The following KCNH3 variants were observed in gnomAD, a reference collection of about 807,000 sequenced individuals.
KCNH3 encodes potassium voltage-gated channel subfamily H member 3, also known as voltage-gated inwardly rectifying potassium channel KCNH3.
Under a neutral mutation model 95.6 loss-of-function variants are expected in KCNH3, and 36 were observed. The ratio of observed to expected loss-of-function variants is 0.38; its 90% confidence interval spans 0.29 to 0.50. KCNH3 has a LOEUF of 0.50. Among genes scored for constraint, KCNH3 ranks in the 20% least tolerant of loss-of-function variants. The probability of loss-of-function intolerance (pLI) is 0.95; values close to 1 mark genes in which losing one functional copy is unlikely to be tolerated. For synonymous variants in KCNH3, 620 were observed against 646.3 expected (o/e 0.96, Z 0.62); for missense variants, 1,030 against 1,484.1 (o/e 0.69, Z 5.03).
chr12:49,551,250 C>T (rs1291909612), intron 10 of KCNH3, among the ~76,000 whole-genome samples: 1 of 152,152 alleles, frequency 6.6e-6, no homozygotes, highest in Non-Finnish European at 1.5e-5. Context: ...CACATTCTAA[C>T]TCTCAGGGAA....
At position 49,539,596 on chromosome 12, in the gene KCNH3, C is replaced by A; in HGVS notation, c.76+104C>A. Reference sequence around the variant, plus strand: ...GCCCAGCTTGGCGCCAGCCTATTCTCACCCTCTCCTCCCTACCCGCCCCTC... The same window carrying A: ...GCCCAGCTTGGCGCCAGCCTATTCTAACCCTCTCCTCCCTACCCGCCCCTC... On this transcript the variant is annotated intron_variant, in intron 1 of 14. Transcript: ENST00000257981. The surrounding 1 kb of genome is among the most constrained non-coding windows in gnomAD (Gnocchi z 6.7). The A allele has an allele frequency of 1.0e-6, 1 of 960,668 alleles. No homozygotes were observed. Among genetic ancestry groups the A allele is most frequent in the Non-Finnish European group, 1.5e-6 (1 of 647,654 alleles). The allele number at this position is 960,668 out of a possible 1,614,324, so 59.5% of individuals were successfully genotyped here.
chr12:49,553,496 G>A (rs747897567), intron 10 of KCNH3, among the ~76,000 whole-genome samples: 7 of 152,146 alleles, frequency 4.6e-5, no homozygotes, highest in African/African-American at 9.7e-5. Context: ...CTTTTTGGTC[G>A]TCTTTGTGTG....
At chr12:49,555,554 T>C (rs1470151891) in intron 11 of KCNH3, 66 bp from the exon 12 acceptor site, 1 of 999,788 alleles carries the variant, frequency 1.0e-6, no homozygotes, top group Non-Finnish European at 1.5e-6. Flanking sequence ...GAAGCCTTGG[T>C]AGGGGAGGTG....
chr12:49,541,764 G>A lies in KCNH3; in HGVS notation c.445G>A (p.Gly149Ser), dbSNP rs1555196033. Residue 149 changes from glycine (G) to serine (S), a missense_variant and splice_region_variant, in exon 3 of 15, where the codon GGT becomes AGT. Gly to Ser is a moderately conservative substitution (Grantham distance 56). Coordinates refer to ENST00000257981, the MANE Select transcript of KCNH3 (RefSeq NM_012284.3). Reference protein sequence around the residue: ...RGGPDRWKETGGGRRRYGRAR... With the variant: ...RGGPDRWKETSGGRRRYGRAR... ...GGGCCCCGACAGATGGAAGGAGACA[G>A]GTAGGTGCATGTAGGTGCTGTGGTC... The A allele has an allele frequency of 6.2e-7, 1 of 1,614,032 alleles. No individual in the cohort carries two copies. Among genetic ancestry groups the A allele is most frequent in the African/African-American group, 1.3e-5 (1 of 75,058 alleles).
At position 49,554,452 on chromosome 12, in the gene KCNH3, G is replaced by A. The variant is rs1459695557; in HGVS notation, c.2034G>A (p.Leu678=). 6.2e-7 allele frequency: 1 copy of A among 1,613,274 alleles called. No homozygotes were observed. Among genetic ancestry groups the A allele is most frequent in the Non-Finnish European group, 8.5e-7 (1 of 1,180,040 alleles). The change falls in exon 11 of 15, where the codon CTG becomes CTA. Residue 678 remains leucine (L), a synonymous_variant. Coordinates refer to ENST00000257981, the MANE Select transcript of KCNH3 (RefSeq NM_012284.3). ...CVLQCLQLAG[L]HDSLALYPEF... ...TGCAGTGTCTGCAGCTGGCTGGCCT[G>A]CACGACAGCCTTGCGCTGTACCCCG... is the stretch of plus-strand genomic sequence containing the variant.
Position 49,556,463 on chromosome 12 carries a change from C to T in KCNH3, c.2562C>T (p.Pro854=). 1 of 1,613,508 alleles carries T rather than the reference C, an allele frequency of 6.2e-7. No individual in the cohort carries two copies. The highest frequency in any genetic ancestry group is 8.5e-7 in the Non-Finnish European group (1 of 1,179,532). Residue 854 remains proline (P), a synonymous_variant, in exon 13 of 15, where the codon CCC becomes CCT. Coordinates refer to ENST00000257981, the MANE Select transcript of KCNH3 (RefSeq NM_012284.3). ...GQSGPECSSS[P]SPGPESGLLT... Reference sequence around the variant, plus strand: ...CTGGCCCGGAATGTAGCAGCAGCCCCTCCCCTGGACCAGGTACCAGGGCCC... The same window carrying T: ...CTGGCCCGGAATGTAGCAGCAGCCCTTCCCCTGGACCAGGTACCAGGGCCC...
rs1937855079 is a variant in KCNH3, at chr12:49,541,091, A to G, written c.269A>G (p.His90Arg). Residue 90 changes from histidine to arginine, a missense_variant, in exon 2 of 15, where the codon CAC becomes CGC. Coordinates refer to ENST00000257981, the MANE Select transcript of KCNH3 (RefSeq NM_012284.3). ...CAGATCCGCAAGGCCCTGGACGAGC[A>G]CAAGGAGTTCAAGGCTGAGCTGATC... ...RQQIRKALDEHKEFKAELILY... is the reference protein window; with the variant it reads ...RQQIRKALDERKEFKAELILY... The G allele has an allele frequency of 6.2e-7, 1 of 1,610,262 alleles. No homozygotes were observed. Among genetic ancestry groups the G allele is most frequent in the African/African-American group, 1.3e-5 (1 of 74,956 alleles).
At position 49,548,957 on chromosome 12, in the gene KCNH3, G is replaced by A. The variant is rs1411006387; in HGVS notation, c.1252G>A (p.Ala418Thr). The part of the protein sequence containing the change: ...TPYYLVGRRP[A>T]GGNSSGQSDN... Reference sequence around the variant, plus strand: ...CTACTACCTGGTGGGCCGGAGGCCAGCTGGAGGGAACAGCTCCGGCCAGAG... The same window carrying A: ...CTACTACCTGGTGGGCCGGAGGCCAACTGGAGGGAACAGCTCCGGCCAGAG... The change falls in exon 8 of 15, where the codon GCT becomes ACT. Residue 418 changes from alanine (A) to threonine (T), a missense_variant. Physicochemically the swap from Ala to Thr is moderately conservative, Grantham distance 58. Around this residue, in one of 9 missense-constraint regions of KCNH3, gnomAD observed 50 missense variants for 41.0 expected, o/e 1.22. Coordinates refer to ENST00000257981, the MANE Select transcript of KCNH3 (RefSeq NM_012284.3). The A allele has an allele frequency of 5.0e-6, 8 of 1,607,996 alleles. No individual in the cohort carries two copies. The highest frequency in any genetic ancestry group is 2.2e-5 in the East Asian group (1 of 44,684).
intron 10 of KCNH3, among the ~76,000 whole-genome samples, chr12:49,552,561 C>T (rs1463481556): frequency 6.6e-6 from 1 of 152,188 alleles, no homozygotes; most frequent in Non-Finnish European, 1.5e-5. Flanking sequence ...CCTTTTTACT[C>T]GAACATCCAA....
At chr12:49,549,809 A>C (rs577251549) in intron 9 of KCNH3, among the ~76,000 whole-genome samples, 169 bp downstream of exon 9, 59 of 152,272 alleles carry the variant, frequency 3.9e-4, no homozygotes, top group Non-Finnish European at 6.5e-4. Flanking sequence ...GAAGGCTTGG[A>C]GGGCCCTCTG....
rs370443660 is a variant in KCNH3 at position 49,554,423 on chromosome 12, G to C, written c.2005G>C (p.Val669Leu). 7 of 1,613,172 alleles carry C rather than the reference G, an allele frequency of 4.3e-6. No homozygotes were observed. The highest frequency in any genetic ancestry group is 5.9e-6 in the Non-Finnish European group (7 of 1,180,026). Residue 669 changes from valine (V) to leucine (L), a missense_variant, in exon 11 of 15, where the codon GTC becomes CTC. By Grantham distance (32) the Val-to-Leu change is conservative. Coordinates refer to ENST00000257981, the MANE Select transcript of KCNH3 (RefSeq NM_012284.3). Reference sequence around the variant, plus strand: ...CGACGTGAAGGGGCTGACGTACTGCGTCCTGCAGTGTCTGCAGCTGGCTGG... The same window carrying C: ...CGACGTGAAGGGGCTGACGTACTGCCTCCTGCAGTGTCTGCAGCTGGCTGG... ...NADVKGLTYC[V>L]LQCLQLAGLH...
chr12:49,549,559 T>A lies in KCNH3; in HGVS notation c.1587T>A (p.Arg529=). The change falls in exon 9 of 15, where the codon CGT becomes CGA. Residue 529 remains arginine (R), a synonymous_variant. Coordinates refer to ENST00000257981, the MANE Select transcript of KCNH3 (RefSeq NM_012284.3). The stretch of plus-strand genomic sequence containing the variant: ...TGCGCGACTACATCCGCATCCACCG[T>A]ATCCCCAAGCCCCTCAAGCAGCGCA... The part of the protein sequence containing the change: ...RDLRDYIRIH[R]IPKPLKQRML... The A allele has an allele frequency of 6.2e-7, 1 of 1,613,524 alleles. No individual in the cohort carries two copies. The highest frequency in any genetic ancestry group is 8.5e-7 in the Non-Finnish European group (1 of 1,180,036).
Position 49,539,691 on chromosome 12 carries a change from T to C in KCNH3, c.76+199T>C, listed in dbSNP as rs1439558435. Reference sequence around the variant, plus strand: ...AGGTTCGAAGGTTCGGGGTCAACACTGCTTCAGGCGAGGCAACAGGGCCAG... The same window carrying C: ...AGGTTCGAAGGTTCGGGGTCAACACCGCTTCAGGCGAGGCAACAGGGCCAG... On this transcript the variant is annotated intron_variant, in intron 1 of 14. Transcript: ENST00000257981. The surrounding 1 kb of genome is among the most constrained non-coding windows in gnomAD (Gnocchi z 6.7). 9.9e-5 allele frequency among the ~76,000 whole-genome samples: 15 copies of C among 152,130 alleles called. No individual in the cohort carries two copies. The East Asian group carries it at 2.7e-3, about 27-fold the overall frequency.
In KCNH3 at chr12:49,545,403, CTTT is replaced by C. The variant is rs869243854; in HGVS notation, c.1189+1039_1189+1041del. Among the ~76,000 whole-genome samples the C allele has an allele frequency of 6.7e-3, 781 of 117,442 alleles. 3 individuals are homozygous for C. The highest frequency in any genetic ancestry group is 0.027 in the African/African-American group (697 of 26,286). The allele number at this position is 117,442 out of a possible 152,430, so 77.0% of individuals were successfully genotyped here. ...TAGCCGGGTTTCCAGATGCAGGTGG[CTTT>C]TTTTTTTTTTTTTTTTTGAGCTGTC... is the stretch of plus-strand genomic sequence containing the variant. On this transcript the variant is annotated intron_variant, in intron 7 of 14. Transcript: ENST00000257981.
At chr12:49,544,141 T>TGCCAACCCAG in intron 6 of KCNH3, 34 bp from the exon 7 acceptor site, 1 of 1,413,422 alleles carries the variant, frequency 7.1e-7, no homozygotes, top group Non-Finnish European at 9.7e-7. Flanking sequence ...CCCGCTGACC[T>TGCCAACCCAG]CCCTCCCTCC....
intron 7 of KCNH3, among the ~76,000 whole-genome samples, chr12:49,548,661 A>G (rs1405435810): frequency 6.6e-6 from 1 of 151,760 alleles, no homozygotes; most frequent in Non-Finnish European, 1.5e-5. Flanking sequence ...GCCATGGGGG[A>G]AGGGGTGTGA....
At chr12:49,546,981 G>A (rs541031301) in intron 7 of KCNH3, among the ~76,000 whole-genome samples, 5 of 152,112 alleles carry the variant, frequency 3.3e-5, no homozygotes, top group Non-Finnish European at 2.9e-5. Context: ...TGCAACCTCC[G>A]CCTCCTGTGT....
At chr12:49,553,690 C>A (rs1938337727) in intron 10 of KCNH3, among the ~76,000 whole-genome samples, 2 of 152,224 alleles carry the variant, frequency 1.3e-5, no homozygotes, top group Admixed American at 1.3e-4. Context: ...CAGTCTTAAC[C>A]TGCCTGTGGG....
At chr12:49,544,145 T>TCCCCA in intron 6 of KCNH3, 30 bp from the exon 7 acceptor site, 1 of 818,348 alleles carries the variant, frequency 1.2e-6, no homozygotes, top group Non-Finnish European at 2.0e-6. Context: ...CTGACCTCCC[T>TCCCCA]CCCTCCCTCC....
Sources: allele counts gnomAD v4.1 joint callset (sites outside exome capture counted in the v4.1 genomes callset), GRCh38; gene constraint gnomAD v4.1.1; regional missense constraint gnomAD v4.1.1; non-coding constraint Gnocchi (gnomAD v3.1); transcripts MANE v1.5; gene names NCBI Gene and HGNC (gene_info 2026-07-23, HGNC 2026-07-21).